The following DCC variants were observed in gnomAD, a reference collection of about 807,000 sequenced individuals.
The protein encoded by DCC is DCC netrin 1 receptor.
A neutral mutation model predicts 172.5 loss-of-function variants in DCC; 58 were observed. That is an observed-to-expected ratio of 0.34 (90% confidence interval 0.27 to 0.42). DCC has a LOEUF of 0.42. DCC is among the 10% of genes least tolerant of loss of function. The pLI is 1.00. For synonymous variants in DCC, 709 were observed against 644.5 expected, an observed-to-expected ratio of 1.10 and a Z score of -1.52; for missense variants, 1,740 against 1,791.0, an observed-to-expected ratio of 0.97 and a Z score of 0.51.
At chr18:52,907,853 A>G (rs528364234) in intron 3 of DCC, among the ~76,000 whole-genome samples, 3 of 152,306 alleles carry the variant, frequency 2.0e-5, no homozygotes, top group African/African-American at 7.2e-5. Flanking sequence ...GCACACATGT[A>G]AGTAATTACA....
intron 12 of DCC, among the ~76,000 whole-genome samples, chr18:53,272,185 G>A (rs1173676051): frequency 6.6e-6 from 1 of 152,142 alleles, no homozygotes; most frequent in Non-Finnish European, 1.5e-5. Flanking sequence ...TTTAGTACAT[G>A]TCTGTTTAGC....
chr18:53,065,930 C>T (rs1397463841), intron 6 of DCC, 116 bp from the exon 7 acceptor site: 2 of 1,255,328 alleles, frequency 1.6e-6, no homozygotes, highest in Admixed American at 1.7e-5. Context: ...CCCTCATGGC[C>T]TCTCCTCTTG....
intron 7 of DCC, among the ~76,000 whole-genome samples, chr18:53,136,668 G>A (rs568248677): frequency 1.3e-5 from 2 of 151,070 alleles, no homozygotes; most frequent in East Asian, 1.9e-4. Flanking sequence ...GGTTGATAAG[G>A]TATCTTGTGT....
chr18:53,317,286 T>A (rs1351815410), intron 13 of DCC, among the ~76,000 whole-genome samples: 2 of 152,258 alleles, frequency 1.3e-5, no homozygotes, highest in Admixed American at 6.5e-5. Flanking sequence ...TTATGTTTAT[T>A]GATTTGCATA....
In DCC at chr18:52,839,575, A is replaced by G. The variant is rs58443245; in HGVS notation, c.413-66469A>G. Among the ~76,000 whole-genome samples, 175 of 152,338 alleles carry G rather than the reference A, an allele frequency of 1.1e-3. 1 individual carries two copies. Among genetic ancestry groups the G allele is most frequent in the African/African-American group, 4.0e-3 (165 of 41,582 alleles). ...CCTCCCCACCAGCCCTCTTCTTGAC[A>G]ACATTGCTGAATATTATTAAATACA... On this transcript the variant is annotated intron_variant, in intron 2 of 28. Coordinates refer to ENST00000442544, the MANE Select transcript of DCC (RefSeq NM_005215.4).
intron 2 of DCC, among the ~76,000 whole-genome samples, chr18:52,890,996 G>A (rs1248131080): frequency 6.6e-6 from 1 of 152,078 alleles, no homozygotes. Context: ...TTGGGAACCA[G>A]AGTTCTATCT....
intron 1 of DCC, among the ~76,000 whole-genome samples, chr18:52,739,970 T>C (rs967938177): frequency 6.6e-6 from 1 of 152,182 alleles, no homozygotes; most frequent in South Asian, 2.1e-4. Context: ...GGAAAGGCTC[T>C]AATTAGAATA....
chr18:52,410,658 G>T (rs1035311276), intron 1 of DCC, among the ~76,000 whole-genome samples: 14 of 152,122 alleles, frequency 9.2e-5, no homozygotes, highest in Non-Finnish European at 1.5e-5. Flanking sequence ...GTTCCTTCCA[G>T]TTTGAAAGCC....
intron 17 of DCC, among the ~76,000 whole-genome samples, chr18:53,393,188 A>G (rs1474999709): frequency 6.6e-6 from 1 of 152,212 alleles, no homozygotes; most frequent in Non-Finnish European, 1.5e-5. Context: ...AGCTATAGCT[A>G]AATCCCACCA....
At chr18:52,342,340 C>T (rs956065651) in intron 1 of DCC, among the ~76,000 whole-genome samples, 1 of 152,004 alleles carries the variant, frequency 6.6e-6, no homozygotes, top group Non-Finnish European at 1.5e-5. Context: ...ACCCGCATCC[C>T]CGCGCTTAGC....
chr18:52,652,881 A>G (rs1054201239), intron 1 of DCC, among the ~76,000 whole-genome samples: 8 of 152,118 alleles, frequency 5.3e-5, no homozygotes, highest in African/African-American at 1.9e-4. Context: ...GGAATACACA[A>G]GTATCCAGAG....
At chr18:53,171,002 A>G (rs565157486) in intron 8 of DCC, among the ~76,000 whole-genome samples, 23 of 152,258 alleles carry the variant, frequency 1.5e-4, no homozygotes, top group African/African-American at 5.5e-4. Flanking sequence ...CTCGTGCCTC[A>G]GCCACTAGAG....
intron 14 of DCC, among the ~76,000 whole-genome samples, chr18:53,326,974 A>G (rs2057475092): frequency 6.6e-6 from 1 of 152,218 alleles, no homozygotes; most frequent in South Asian, 2.1e-4. Context: ...GTGATCGCCA[A>G]GAGAATGATC....
At chr18:53,020,831 G>A (rs1297211041) in intron 5 of DCC, among the ~76,000 whole-genome samples, 2 of 152,130 alleles carry the variant, frequency 1.3e-5, no homozygotes, top group Non-Finnish European at 2.9e-5. Flanking sequence ...TTTTAAATGA[G>A]GGGGAAAAAT....
chr18:52,475,151 G>C (rs970170440), intron 1 of DCC, among the ~76,000 whole-genome samples: 1 of 152,114 alleles, frequency 6.6e-6, no homozygotes, highest in East Asian at 1.9e-4. Flanking sequence ...TCATCTATCT[G>C]CATTTTACTT....
intron 12 of DCC, among the ~76,000 whole-genome samples, chr18:53,247,405 A>G (rs1294946447): frequency 6.6e-6 from 1 of 152,050 alleles, no homozygotes. Context: ...TATTTCCAGG[A>G]AAATTATATG....
intron 5 of DCC, chr18:52,940,796 G>C (rs763323228): frequency 2.0e-5 from 3 of 152,182 alleles, no homozygotes; most frequent in Non-Finnish European, 4.4e-5. Context: ...CAGTCCAATG[G>C]AGTGTGGCAG....
chr18:52,727,311 T>A (rs2145087521), intron 1 of DCC, among the ~76,000 whole-genome samples: 1 of 152,334 alleles, frequency 6.6e-6, no homozygotes, highest in East Asian at 1.9e-4. Flanking sequence ...ATATGTTCAA[T>A]GGGAAATTTC....
intron 1 of DCC, among the ~76,000 whole-genome samples, chr18:52,679,023 A>G (rs1302405191): frequency 6.6e-6 from 1 of 152,092 alleles, no homozygotes; most frequent in Non-Finnish European, 1.5e-5. Flanking sequence ...TTTAATTGAA[A>G]AAAGCTATAT....
Sources: gnomAD v4.1 joint callset for allele counts (sites outside exome capture counted in the v4.1 genomes callset) on GRCh38, gnomAD v4.1.1 for gene constraint, MANE v1.5 for transcripts, NCBI Gene and HGNC (gene_info 2026-07-23, HGNC 2026-07-21) for gene names.